Variants in RNF214 observed in about 807,000 individuals in gnomAD.
RNF214 encodes ring finger protein 214.
Under a neutral mutation model 75.9 loss-of-function variants are expected in RNF214, and 25 were observed. The ratio of observed to expected loss-of-function variants is 0.33; its 90% CI spans 0.24 to 0.46. The LOEUF (loss-of-function observed/expected upper bound fraction) is 0.46. Ranked by LOEUF, RNF214 falls within the 20% of genes least tolerant of loss-of-function variation. RNF214 has a pLI of 1.00. For missense variants in RNF214, 725 were observed against 857.5 expected, an observed-to-expected ratio of 0.85 and a Z score of 1.93; for synonymous variants, 314 against 308.8, an observed-to-expected ratio of 1.02 and a Z score of -0.18.
At chr11:117,247,887 C>CA (rs1565333184) in intron 6 of RNF214, among the ~76,000 whole-genome samples, 1 of 145,820 alleles carries the variant, frequency 6.9e-6, no homozygotes, top group South Asian at 2.2e-4. Context: ...CAAAAAAAAA[C>CA]AAAGTTCAGA....
rs558553578 is a variant in RNF214 at position 117,234,166 on chromosome 11, T to C, written c.-6-101T>C. The C allele has an allele frequency of 3.7e-4, 308 of 834,220 alleles. 1 individual carries two copies. The highest frequency in any genetic ancestry group is 5.4e-4 in the Non-Finnish European group (271 of 505,920). 51.7% of individuals were successfully genotyped at this position (834,220 alleles called of 1,614,324 possible). Reference sequence around the variant, plus strand: ...CGGAGCCCAGGTTTTTGTGTTTCTTTACTGCGACAGCTCTGTTGTGTGGAC... The same window carrying C: ...CGGAGCCCAGGTTTTTGTGTTTCTTCACTGCGACAGCTCTGTTGTGTGGAC... On this transcript the variant is annotated intron_variant, in intron 1 of 14. Transcript: ENST00000300650.
intron 3 of RNF214, chr11:117,239,482 C>G (rs1565328520): frequency 2.2e-6 from 1 of 456,706 alleles, no homozygotes; most frequent in Non-Finnish European, 3.9e-6. Flanking sequence ...TGTATCCTGC[C>G]TTCTAGTGAC....
At chr11:117,251,416 GC>G (rs2033384818) in intron 6 of RNF214, among the ~76,000 whole-genome samples, 3 of 147,358 alleles carry the variant, frequency 2.0e-5, no homozygotes, top group East Asian at 4.2e-4. Flanking sequence ...GGGGCGGCTG[GC>G]CTGGCGGGGG....
At chr11:117,263,403 G>C (rs1305007737) in intron 6 of RNF214, among the ~76,000 whole-genome samples, 5 of 151,930 alleles carry the variant, frequency 3.3e-5, no homozygotes. Context: ...AGCCCCGCAA[G>C]TGGCTGGGAT....
chr11:117,279,804 G>A (rs2034091376), intron 6 of RNF214, 104 bp from the exon 7 acceptor site: 1 of 678,684 alleles, frequency 1.5e-6, no homozygotes, highest in African/African-American at 1.8e-5. Flanking sequence ...AAGACTTCCT[G>A]TAACATACTT....
At chr11:117,265,766 A>G (rs1333745624) in intron 6 of RNF214, among the ~76,000 whole-genome samples, 1 of 152,194 alleles carries the variant, frequency 6.6e-6, no homozygotes, top group Non-Finnish European at 1.5e-5. Context: ...ATTTGTATAC[A>G]AAAACATACT....
At chr11:117,248,743 G>A (rs1308401137) in intron 6 of RNF214, among the ~76,000 whole-genome samples, 2 of 152,168 alleles carry the variant, frequency 1.3e-5, no homozygotes, top group Non-Finnish European at 2.9e-5. Flanking sequence ...CACTGTTAGT[G>A]ATCAAAGCAG....
intron 14 of RNF214, among the ~76,000 whole-genome samples, chr11:117,284,818 T>C (rs2034212548): frequency 6.6e-6 from 1 of 151,940 alleles, no homozygotes; most frequent in Non-Finnish European, 1.5e-5. Flanking sequence ...TAATCCCAGC[T>C]ACTCGGGAGG....
At chr11:117,270,121 T>A (rs1243887512) in intron 6 of RNF214, among the ~76,000 whole-genome samples, 1 of 152,026 alleles carries the variant, frequency 6.6e-6, no homozygotes, top group African/African-American at 2.4e-5. Context: ...ATTCCAAAGA[T>A]AATCCCTCTT....
At chr11:117,248,728 C>G (rs1269705653) in intron 6 of RNF214, among the ~76,000 whole-genome samples, 1 of 152,104 alleles carries the variant, frequency 6.6e-6, no homozygotes, top group East Asian at 1.9e-4. Context: ...GAACATTATC[C>G]CAGCCACTGT....
intron 6 of RNF214, among the ~76,000 whole-genome samples, chr11:117,267,116 AG>A (rs1457830398): frequency 2.0e-5 from 3 of 152,074 alleles, no homozygotes; most frequent in Non-Finnish European, 4.4e-5. Flanking sequence ...ATTGAATTAT[AG>A]GCGTTCTTTA....
At chr11:117,235,249 T>G (rs532348419) in intron 2 of RNF214, among the ~76,000 whole-genome samples, 5 of 152,238 alleles carry the variant, frequency 3.3e-5, no homozygotes, top group African/African-American at 1.2e-4. Context: ...CAGGCTGGAG[T>G]GCAGTGGCGC....
At chr11:117,283,974 A>C (rs1323037949) in intron 14 of RNF214, among the ~76,000 whole-genome samples, 1 of 152,200 alleles carries the variant, frequency 6.6e-6, no homozygotes, top group African/African-American at 2.4e-5. Context: ...TCTAATCATA[A>C]GGTTTTCAGT....
At chr11:117,279,417 C>T (rs1403040198) in intron 6 of RNF214, among the ~76,000 whole-genome samples, 1 of 149,416 alleles carries the variant, frequency 6.7e-6, no homozygotes, top group Non-Finnish European at 1.5e-5. Flanking sequence ...CTGCAACCTG[C>T]GCCTCCCAGG....
At position 117,238,618 on chromosome 11, in the gene RNF214, A is replaced by G. The variant is rs750579748; in HGVS notation, c.125A>G (p.Gln42Arg). The G allele has an allele frequency of 1.7e-5, 28 of 1,613,282 alleles. No individual in the cohort carries two copies. The South Asian group carries it at 2.9e-4, about 16-fold the overall frequency. Residue 42 changes from glutamine (Q) to arginine (R), a missense_variant, in exon 3 of 15, where the codon CAG (glutamine) becomes CGG (arginine). Gln to Arg is a conservative substitution (Grantham distance 43). This residue lies in a region of RNF214 where 362 missense variants were observed against 344.5 expected (regional missense o/e 1.05). Transcript: ENST00000300650. ...PDGLSTKDSA[Q>R]KQKNSPLLSV... ...TTTGATAGCACCAAAGACTCTGCAC[A>G]GAAGCAGAAGAACTCGCCTCTGTTG... is the stretch of plus-strand genomic sequence containing the variant.
In RNF214 at chr11:117,279,931, A is replaced by G. The variant is rs374587734; in HGVS notation, c.983A>G (p.Asp328Gly). ...AGAGAGGTGTGGGAAATGGAACTGG[A>G]TAGACTCAAGAATCAGGATGGCGAA... is the stretch of plus-strand genomic sequence containing the variant. ...GRREVWEMELDRLKNQDGEIN... is the reference protein window; with the variant it reads ...GRREVWEMELGRLKNQDGEIN... Residue 328 changes from aspartate (D) to glycine (G), a missense_variant, in exon 7 of 15, where the codon GAT becomes GGT. This residue lies in a region of RNF214 where 363 missense variants were observed against 513.0 expected (regional missense o/e 0.71). Coordinates refer to ENST00000300650, the MANE Select transcript of RNF214 (RefSeq NM_207343.4). 1.7e-5 allele frequency: 28 copies of G among 1,612,966 alleles called. No homozygotes were observed. In the East Asian group the frequency reaches 5.1e-4, roughly 30 times the overall value.
intron 14 of RNF214, among the ~76,000 whole-genome samples, chr11:117,283,705 G>T (rs1191266047): frequency 1.3e-5 from 2 of 151,838 alleles, no homozygotes; most frequent in Non-Finnish European, 2.9e-5. Context: ...CTGTTGCCCA[G>T]ACTGGAATGC....
chr11:117,247,062 G>A, intron 6 of RNF214, 114 bp downstream of exon 6: 1 of 886,742 alleles, frequency 1.1e-6, no homozygotes, highest in East Asian at 2.7e-5. Flanking sequence ...TGAAAAACAA[G>A]TGTACAAGTA....
rs180700715 is a variant in RNF214, at chr11:117,238,208, C to T, written c.108-393C>T. ...GATGGATCCCTTGAGTACAGGAGTT[C>T]GAGACCAGCCTGGGCAACATGGCAA... On this transcript the variant is annotated intron_variant, in intron 2 of 14. Transcript: ENST00000300650. Among the ~76,000 whole-genome samples the T allele has an allele frequency of 4.2e-3, 640 of 152,164 alleles. 3 individuals carry two copies. The highest frequency in any genetic ancestry group is 7.1e-3 in the Non-Finnish European group (484 of 68,016).
Sources: gnomAD v4.1 joint callset for allele counts (sites outside exome capture counted in the v4.1 genomes callset) on GRCh38, gnomAD v4.1.1 for gene constraint, gnomAD v4.1.1 regional missense constraint, MANE v1.5 for transcripts, NCBI Gene and HGNC (gene_info 2026-07-23, HGNC 2026-07-21) for gene names.